Variants in DTNA observed in about 807,000 individuals in gnomAD.
DTNA encodes dystrophin-related protein 3.
A neutral mutation model predicts 100.7 loss-of-function variants in DTNA; 43 were observed. That is an observed-to-expected ratio of 0.43 (90% CI 0.33 to 0.55). DTNA has a LOEUF of 0.55. Ranked by LOEUF, DTNA falls within the 20% of genes least tolerant of loss-of-function variation. DTNA has a pLI of 0.04. For missense variants in DTNA, 798 were observed against 953.9 expected (o/e 0.84, Z 2.15); for synonymous variants, 349 against 347.9 (o/e 1.00, Z -0.04).
intron 1 of DTNA, among the ~76,000 whole-genome samples, chr18:34,534,185 T>TA (rs1317897434): frequency 6.6e-6 from 1 of 151,888 alleles, no homozygotes; most frequent in Non-Finnish European, 1.5e-5. Context: ...ATCTCTAATT[T>TA]AAAAAATACA....
At chr18:34,589,777 C>T (rs559255604) in intron 1 of DTNA, among the ~76,000 whole-genome samples, 3 of 152,224 alleles carry the variant, frequency 2.0e-5, no homozygotes, top group Non-Finnish European at 4.4e-5. Flanking sequence ...CCCATTTCTG[C>T]CTGCTCCTGG....
At chr18:34,578,686 G>A (rs2048344536) in intron 1 of DTNA, among the ~76,000 whole-genome samples, 1 of 152,096 alleles carries the variant, frequency 6.6e-6, no homozygotes, top group South Asian at 2.1e-4. Flanking sequence ...TCTACATGTG[G>A]CTTGCCAATT....
At chr18:34,813,682 G>A (rs1225091714) in intron 6 of DTNA, among the ~76,000 whole-genome samples, 3 of 151,576 alleles carry the variant, frequency 2.0e-5, no homozygotes, top group Admixed American at 6.6e-5. Context: ...TTGAAACCCC[G>A]TCTCTACTAA....
chr18:34,533,831 A>G (rs564154975), intron 1 of DTNA, among the ~76,000 whole-genome samples: 2 of 152,242 alleles, frequency 1.3e-5, no homozygotes, highest in African/African-American at 4.8e-5. Context: ...TACAGATGGA[A>G]ATCTTATGAC....
At chr18:34,618,814 A>T (rs769190130) in intron 1 of DTNA, among the ~76,000 whole-genome samples, 1 of 152,186 alleles carries the variant, frequency 6.6e-6, no homozygotes, top group Non-Finnish European at 1.5e-5. Context: ...TTCATTTATC[A>T]TCTACTTTGA....
intron 1 of DTNA, among the ~76,000 whole-genome samples, chr18:34,597,116 T>C (rs969390978): frequency 2.6e-5 from 4 of 152,184 alleles, no homozygotes; most frequent in African/African-American, 9.7e-5. Context: ...GGTTTTCTGT[T>C]CCTGTGTTAG....
chr18:34,727,236 T>C lies in DTNA; in HGVS notation c.-2+16791T>C, dbSNP rs145024620. On this transcript the variant is annotated intron_variant, in intron 1 of 22. Transcript: ENST00000444659. ...TCCTACTGTGATCCTGGGCTGGTGA[T>C]GGGAGGACTGTCCTGAAGCCTTCTG... 4.7e-3 allele frequency among the ~76,000 whole-genome samples: 713 copies of C among 152,362 alleles called. 5 individuals carry two copies. The highest frequency in any genetic ancestry group is 0.015 in the African/African-American group (623 of 41,586).
At chr18:34,517,460 C>CATGTGTGT (rs57616989) in intron 1 of DTNA, among the ~76,000 whole-genome samples, 2,200 of 148,962 alleles carry the variant, frequency 0.015, 34 homozygotes, top group Non-Finnish European at 0.018. Flanking sequence ...TTTATATACA[C>CATGTGTGT]GTGTGTGTGT....
chr18:34,599,506 G>T (rs1166272475), intron 1 of DTNA, among the ~76,000 whole-genome samples: 2 of 152,000 alleles, frequency 1.3e-5, no homozygotes, highest in African/African-American at 2.4e-5. Flanking sequence ...GGTACTGAAG[G>T]ATATCATGTT....
intron 1 of DTNA, among the ~76,000 whole-genome samples, chr18:34,699,010 T>G (rs2080998262): frequency 6.6e-6 from 1 of 151,068 alleles, no homozygotes; most frequent in South Asian, 2.1e-4. Context: ...TCTAGTATGA[T>G]CTCATTGTGA....
chr18:34,514,114 ATC>A (rs1568568160), intron 1 of DTNA, among the ~76,000 whole-genome samples: 1 of 152,124 alleles, frequency 6.6e-6, no homozygotes, highest in Non-Finnish European at 1.5e-5. Context: ...GCTCTTAGTT[ATC>A]TGTTATTTTA....
At chr18:34,575,393 T>TA (rs1419563734) in intron 1 of DTNA, among the ~76,000 whole-genome samples, 1 of 152,220 alleles carries the variant, frequency 6.6e-6, no homozygotes, top group Admixed American at 6.5e-5. Flanking sequence ...CTGACTCTCT[T>TA]ACTATATCCA....
intron 6 of DTNA, among the ~76,000 whole-genome samples, chr18:34,813,570 A>G (rs935933264): frequency 3.3e-5 from 5 of 150,528 alleles, no homozygotes; most frequent in African/African-American, 7.3e-5. Flanking sequence ...AAAAGTGTCA[A>G]TAGGCCGGGT....
At chr18:34,621,863 G>A (rs549655781) in intron 1 of DTNA, among the ~76,000 whole-genome samples, 104 of 152,246 alleles carry the variant, frequency 6.8e-4, no homozygotes, top group African/African-American at 2.5e-3. Flanking sequence ...ATATGTTAAT[G>A]AGCCAAATTT....
intron 1 of DTNA, among the ~76,000 whole-genome samples, chr18:34,723,415 CA>C (rs199662388): frequency 1.3e-5 from 2 of 151,782 alleles, no homozygotes; most frequent in Admixed American, 1.3e-4. Flanking sequence ...GTATATTTGT[CA>C]AAAAAAGTTT....
At chr18:34,766,307 T>A (rs2093464530) in intron 3 of DTNA, among the ~76,000 whole-genome samples, 1 of 152,214 alleles carries the variant, frequency 6.6e-6, no homozygotes, top group Non-Finnish European at 1.5e-5. Flanking sequence ...TACAATATAA[T>A]TCTGACCTTG....
intron 1 of DTNA, among the ~76,000 whole-genome samples, chr18:34,697,896 G>A (rs1044011015): frequency 6.6e-5 from 10 of 152,146 alleles, no homozygotes; most frequent in African/African-American, 2.2e-4. Flanking sequence ...AAACAGGAAG[G>A]TGACAATCCA....
chr18:34,772,291 G>T (rs2093814842), intron 3 of DTNA, among the ~76,000 whole-genome samples: 1 of 152,060 alleles, frequency 6.6e-6, no homozygotes, highest in African/African-American at 2.4e-5. Context: ...TCTAGTAATT[G>T]AAATATTTTA....
rs112511760 is a variant in DTNA at position 34,773,051 on chromosome 18, C to G, written c.148+7010C>G. The stretch of plus-strand genomic sequence containing the variant: ...CTGCTCAGGGCATGGGTGTTTGTGG[C>G]TTCTTCCAGCCCAGCTAGAGTGTCC... On this transcript the variant is annotated intron_variant, in intron 3 of 22. Coordinates refer to ENST00000444659, the MANE Select transcript of DTNA (RefSeq NM_001386795.1). Among the ~76,000 whole-genome samples the G allele has an allele frequency of 1.4e-3, 210 of 152,342 alleles. 1 individual carries two copies. The highest frequency in any genetic ancestry group is 4.8e-3 in the African/African-American group (200 of 41,578).
Sources: allele counts gnomAD v4.1 joint callset (sites outside exome capture counted in the v4.1 genomes callset), GRCh38; gene constraint gnomAD v4.1.1; transcripts MANE v1.5; gene names NCBI Gene and HGNC (gene_info 2026-07-23, HGNC 2026-07-21).